Variants in UCK2 observed in about 807,000 individuals in gnomAD.
The protein encoded by UCK2 is cytidine monophosphokinase 2.
Under a neutral mutation model 30.8 loss-of-function variants are expected in UCK2, and 6 were observed. That is an observed-to-expected ratio of 0.19 (90% CI 0.11 to 0.38). UCK2 has a LOEUF of 0.38. Ranked by LOEUF, UCK2 falls within the 10% of genes least tolerant of loss-of-function variation. UCK2 has a pLI of 1.00. For synonymous variants in UCK2, 125 were observed against 133.6 expected (o/e 0.94, Z 0.45); for missense variants, 210 against 339.8 (o/e 0.62, Z 3.00).
intron 5 of UCK2, among the ~76,000 whole-genome samples, chr1:165,903,838 A>G (rs1234042918): frequency 6.6e-6 from 1 of 152,184 alleles, no homozygotes; most frequent in African/African-American, 2.4e-5. Context: ...GCAGCTAGGA[A>G]TTCTCTAGTG....
At chr1:165,880,559 T>G (rs1187436430) in intron 1 of UCK2, among the ~76,000 whole-genome samples, 7 of 86,096 alleles carry the variant, frequency 8.1e-5, no homozygotes, top group South Asian at 3.7e-4. Flanking sequence ...ATTCAGTTTT[T>G]TTTGGGGGTG....
chr1:165,903,605 C>G (rs970232771), intron 5 of UCK2, among the ~76,000 whole-genome samples: 1 of 152,178 alleles, frequency 6.6e-6, no homozygotes, highest in Non-Finnish European at 1.5e-5. Context: ...TGTATCATAT[C>G]CAAGGAGAGT....
At chr1:165,847,541 C>G (rs1654482693) in intron 1 of UCK2, among the ~76,000 whole-genome samples, 1 of 152,184 alleles carries the variant, frequency 6.6e-6, no homozygotes, top group Non-Finnish European at 1.5e-5. Context: ...ATTTGCATCA[C>G]TCCCTCAGCC....
intron 3 of UCK2, chr1:165,895,888 C>T (rs760191124): frequency 1.1e-5 from 3 of 261,744 alleles, no homozygotes; most frequent in Non-Finnish European, 1.4e-5. Flanking sequence ...TGCCTTTATT[C>T]TTCATTCAAC....
In UCK2 at chr1:165,890,206, T is replaced by C; in HGVS notation, c.102T>C (p.Ser34=). ...GGTGCTCTCTTCTCTCCTCACAGTC[T>C]TCCGTGTGTGCTAAGATCGTGCAGC... ...GVSGGTASGK[S]SVCAKIVQLL... is the part of the protein sequence containing the mutation. The change falls in exon 2 of 7, where the codon TCT becomes TCC. Residue 34 remains serine (S), a splice_region_variant and synonymous_variant. Coordinates refer to ENST00000367879, the MANE Select transcript of UCK2 (RefSeq NM_012474.5). The C allele has an allele frequency of 6.2e-7, 1 of 1,614,070 alleles. No individual in the cohort carries two copies. The highest frequency in any genetic ancestry group is 8.5e-7 in the Non-Finnish European group (1 of 1,180,014).
intron 1 of UCK2, among the ~76,000 whole-genome samples, chr1:165,877,118 G>C (rs1045860464): frequency 1.3e-5 from 2 of 152,126 alleles, no homozygotes; most frequent in Non-Finnish European, 2.9e-5. Flanking sequence ...CCCAAAATTT[G>C]TCCTGTGTGC....
At chr1:165,887,245 T>C (rs1373200207) in intron 1 of UCK2, among the ~76,000 whole-genome samples, 2 of 152,220 alleles carry the variant, frequency 1.3e-5, no homozygotes, top group East Asian at 3.9e-4. Flanking sequence ...AGCCAGGTCC[T>C]TGAAAACACA....
At chr1:165,901,296 T>TA (rs1231104640) in intron 4 of UCK2, among the ~76,000 whole-genome samples, 1 of 152,186 alleles carries the variant, frequency 6.6e-6, no homozygotes, top group African/African-American at 2.4e-5. Context: ...GAGGAGCTGT[T>TA]ACAAAAGTCG....
In UCK2 at chr1:165,872,071, A is replaced by AT. The variant is rs1158902911; in HGVS notation, c.100-18127dup. Among the ~76,000 whole-genome samples the AT allele has an allele frequency of 1.1e-4, 15 of 139,018 alleles. No individual in the cohort carries two copies. The East Asian group carries it at 2.7e-3, about 25-fold the overall frequency. The allele number at this position is 139,018 out of a possible 152,430, so 91.2% of individuals were successfully genotyped here. A position where few individuals can be genotyped will look rare whatever the true frequency, so the allele number is the denominator to read the frequency against. On this transcript the variant is annotated intron_variant, in intron 1 of 6. Coordinates refer to ENST00000367879, the MANE Select transcript of UCK2 (RefSeq NM_012474.5). ...GCCGGCTGCTCTAGCCAGTTTACTT[A>AT]TTTTTTATTTTTATTTCTTTGAGAC...
In UCK2 at chr1:165,831,612, A is replaced by C. The variant is rs1398165447; in HGVS notation, c.99+3680A>C. On this transcript the variant is annotated intron_variant, in intron 1 of 6. Transcript: ENST00000367879. ...GAAAAATCTGCTCCATTACACTGCC[A>C]TCAGAGTGGTCTTCCTTAGGAATAG... is the stretch of plus-strand genomic sequence containing the variant. Among the ~76,000 whole-genome samples the C allele has an allele frequency of 2.0e-5, 3 of 152,214 alleles. No homozygotes were observed. The East Asian group carries it at 5.8e-4, about 29-fold the overall frequency.
chr1:165,829,614 G>C (rs573933717), intron 1 of UCK2, among the ~76,000 whole-genome samples: 2 of 152,158 alleles, frequency 1.3e-5, no homozygotes, highest in Admixed American at 6.5e-5. Flanking sequence ...TGAAAACTGC[G>C]ACCCTAAAAG....
At chr1:165,899,937 C>G (rs955263957) in intron 4 of UCK2, among the ~76,000 whole-genome samples, 1 of 152,166 alleles carries the variant, frequency 6.6e-6, no homozygotes, top group Admixed American at 6.5e-5. Flanking sequence ...GTTGCATGTT[C>G]CCAGTGTCTG....
At chr1:165,904,439 C>T (rs1279633756) in intron 5 of UCK2, among the ~76,000 whole-genome samples, 1 of 152,182 alleles carries the variant, frequency 6.6e-6, no homozygotes, top group Non-Finnish European at 1.5e-5. Context: ...CTGTGAACTT[C>T]TTTCCACCCA....
chr1:165,889,228 T>C (rs1388822689), intron 1 of UCK2, among the ~76,000 whole-genome samples: 1 of 152,242 alleles, frequency 6.6e-6, no homozygotes, highest in Non-Finnish European at 1.5e-5. Context: ...AAGTCATGGC[T>C]GTGGACTGGA....
chr1:165,895,731 A>G, intron 3 of UCK2: 1 of 840,210 alleles, frequency 1.2e-6, no homozygotes, highest in Non-Finnish European at 1.4e-6. Flanking sequence ...TTGCCTCAGG[A>G]CTGGCGGGGA....
chr1:165,897,868 T>C (rs997240787), intron 4 of UCK2: 3 of 152,136 alleles, frequency 2.0e-5, no homozygotes, highest in South Asian at 4.1e-4. Flanking sequence ...AAGAATGGAA[T>C]GGGAGGAGAC....
At chr1:165,857,097 C>T (rs1654767634) in intron 1 of UCK2, among the ~76,000 whole-genome samples, 1 of 152,106 alleles carries the variant, frequency 6.6e-6, no homozygotes, top group African/African-American at 2.4e-5. Context: ...TTGAGTCAAC[C>T]ACAGTCTTGT....
Position 165,910,924 on chromosome 1 carries a change from G to C in UCK2, c.*3101G>C, listed in dbSNP as rs1337118818. On this transcript the variant is annotated 3_prime_UTR_variant, in exon 7 of 7. Coordinates refer to ENST00000367879, the MANE Select transcript of UCK2 (RefSeq NM_012474.5). The stretch of plus-strand genomic sequence containing the variant: ...CAGAGTTTCATTAGGCCGCTGGGTC[G>C]GGCTGGAGGCTTGTGTACACCTCGG... 6.6e-6 allele frequency: 1 copy of C among 152,350 alleles called. No individual in the cohort carries two copies. Among genetic ancestry groups the C allele is most frequent in the African/African-American group, 2.4e-5 (1 of 41,454 alleles). The allele number at this position is 152,350 out of a possible 1,614,324, so 9.4% of individuals were successfully genotyped here. A position where few individuals can be genotyped will look rare whatever the true frequency, so the allele number is the denominator to read the frequency against.
At chr1:165,875,496 A>G (rs1285537836) in intron 1 of UCK2, among the ~76,000 whole-genome samples, 1 of 152,164 alleles carries the variant, frequency 6.6e-6, no homozygotes, top group Non-Finnish European at 1.5e-5. Context: ...TTTACTTGCT[A>G]CACTATTTAC....
Sources: gnomAD v4.1 joint callset for allele counts (sites outside exome capture counted in the v4.1 genomes callset) on GRCh38, gnomAD v4.1.1 for gene constraint, MANE v1.5 for transcripts, NCBI Gene and HGNC (gene_info 2026-07-23, HGNC 2026-07-21) for gene names.